CEP128: variants seen among roughly 807,000 people sequenced by gnomAD.
CEP128 encodes centrosomal protein 128kDa.
A neutral mutation model predicts 156.7 loss-of-function variants in CEP128; 132 were observed. The ratio of observed to expected loss-of-function variants is 0.84; its 90% confidence interval spans 0.73 to 0.97. The LOEUF is 0.97. Among genes scored for constraint, CEP128 ranks in the 50% least tolerant of loss-of-function variants. The pLI, the probability that CEP128 is intolerant of heterozygous loss-of-function variation, is 0.00. For synonymous variants in CEP128, 469 were observed against 448.9 expected, an observed-to-expected ratio of 1.04 and a Z score of -0.57; for missense variants, 1,252 against 1,281.9, an observed-to-expected ratio of 0.98 and a Z score of 0.36.
chr14:80,519,756 C>T (rs1659702268), intron 23 of CEP128, among the ~76,000 whole-genome samples: 3 of 152,166 alleles, frequency 2.0e-5, no homozygotes. Flanking sequence ...CTATGATTGT[C>T]TCCATCTACC....
intron 18 of CEP128, among the ~76,000 whole-genome samples, chr14:80,749,233 A>C (rs1166234459): frequency 6.6e-6 from 1 of 152,200 alleles, no homozygotes; most frequent in Non-Finnish European, 1.5e-5. Flanking sequence ...GAGGTTTCTC[A>C]AAAAACTAAA....
intron 13 of CEP128, among the ~76,000 whole-genome samples, chr14:80,812,660 C>A (rs527968551): frequency 6.6e-6 from 1 of 152,296 alleles, no homozygotes; most frequent in South Asian, 2.1e-4. Flanking sequence ...CCTCCATCTC[C>A]TGGGTTCAAG....
chr14:80,924,246 T>A (rs1200202925), intron 2 of CEP128, among the ~76,000 whole-genome samples: 1 of 152,250 alleles, frequency 6.6e-6, no homozygotes, highest in African/African-American at 2.4e-5. Flanking sequence ...CAATTGTACC[T>A]GTCTTCTTTA....
chr14:80,848,942 T>C (rs963940022), intron 9 of CEP128, among the ~76,000 whole-genome samples: 1 of 151,216 alleles, frequency 6.6e-6, no homozygotes, highest in African/African-American at 2.4e-5. Flanking sequence ...AAAGAAACCA[T>C]TGAAGGGTCT....
At chr14:80,860,165 G>A (rs1371079376) in intron 9 of CEP128, among the ~76,000 whole-genome samples, 1 of 152,084 alleles carries the variant, frequency 6.6e-6, no homozygotes, top group Non-Finnish European at 1.5e-5. Flanking sequence ...GACCTTTCCG[G>A]AACAGTTTAA....
chr14:80,759,049 A>G (rs1039947908), intron 17 of CEP128, among the ~76,000 whole-genome samples: 6 of 152,240 alleles, frequency 3.9e-5, no homozygotes, highest in African/African-American at 1.4e-4. Flanking sequence ...AGTACAGTGC[A>G]GAACTAATCT....
chr14:80,504,144 T>A (rs1200003649), intron 24 of CEP128, among the ~76,000 whole-genome samples: 3 of 152,182 alleles, frequency 2.0e-5, no homozygotes, highest in Non-Finnish European at 4.4e-5. Context: ...TTTAGATAAA[T>A]GTGGACTTAA....
intron 7 of CEP128, among the ~76,000 whole-genome samples, chr14:80,897,776 C>G (rs983352014): frequency 5.3e-5 from 7 of 132,154 alleles, no homozygotes; most frequent in African/African-American, 7.9e-5. Context: ...TCGCCCTCCT[C>G]AAATCAATTT....
At chr14:80,650,732 A>C (rs1451304761) in intron 19 of CEP128, among the ~76,000 whole-genome samples, 3 of 152,100 alleles carry the variant, frequency 2.0e-5, no homozygotes, top group Admixed American at 2.0e-4. Context: ...ATTGATTTGC[A>C]TATATTGAAT....
intron 8 of CEP128, among the ~76,000 whole-genome samples, chr14:80,869,325 G>C (rs908784445): frequency 7.2e-5 from 11 of 151,916 alleles, no homozygotes; most frequent in African/African-American, 2.7e-4. Context: ...CTAATATGTG[G>C]AAATTAAACT....
At chr14:80,797,940 G>C (rs1240356312) in intron 13 of CEP128, among the ~76,000 whole-genome samples, 4 of 151,996 alleles carry the variant, frequency 2.6e-5, no homozygotes, top group Admixed American at 6.6e-5. Flanking sequence ...TATTCCTGGA[G>C]GCATCTTCTA....
At chr14:80,506,335 C>CTT (rs398057291) in intron 23 of CEP128, among the ~76,000 whole-genome samples, 1,542 of 126,844 alleles carry the variant, frequency 0.012, 11 homozygotes, top group South Asian at 0.022. Context: ...ATTTGAAACT[C>CTT]TTTTTTTTTT....
intron 9 of CEP128, among the ~76,000 whole-genome samples, chr14:80,857,020 T>G (rs1232906849): frequency 6.6e-6 from 1 of 151,922 alleles, no homozygotes; most frequent in African/African-American, 2.4e-5. Flanking sequence ...AGTGCTGGAA[T>G]TACAGGCATG....
At chr14:80,699,542 G>T (rs1187811923) in intron 19 of CEP128, among the ~76,000 whole-genome samples, 1 of 152,100 alleles carries the variant, frequency 6.6e-6, no homozygotes, top group African/African-American at 2.4e-5. Flanking sequence ...TATTGACATT[G>T]TAACTTCATT....
At chr14:80,614,211 CTT>C (rs1893120132) in intron 19 of CEP128, among the ~76,000 whole-genome samples, 1 of 152,082 alleles carries the variant, frequency 6.6e-6, no homozygotes, top group Admixed American at 6.6e-5. Flanking sequence ...GATAAAATGA[CTT>C]AGAAGTATTA....
intron 19 of CEP128, among the ~76,000 whole-genome samples, chr14:80,631,429 T>C (rs1893954991): frequency 6.6e-6 from 1 of 152,052 alleles, no homozygotes; most frequent in Non-Finnish European, 1.5e-5. Context: ...ATGACTGGTC[T>C]AAAGAACTTA....
At chr14:80,679,536 C>G (rs185955426) in intron 19 of CEP128, among the ~76,000 whole-genome samples, 1 of 152,288 alleles carries the variant, frequency 6.6e-6, no homozygotes, top group East Asian at 1.9e-4. Flanking sequence ...AAATCCCACC[C>G]TGGAGAATTT....
chr14:80,773,647 C>T (rs140020296), intron 16 of CEP128, among the ~76,000 whole-genome samples: 35 of 152,184 alleles, frequency 2.3e-4, no homozygotes, highest in African/African-American at 6.0e-4. Flanking sequence ...ACCTTCATTA[C>T]GTAAACTTTA....
At chr14:80,580,343 C>A in intron 20 of CEP128, 31 bp downstream of exon 20, 1 of 1,468,798 alleles carries the variant, frequency 6.8e-7, no homozygotes, top group Non-Finnish European at 9.5e-7. Context: ...TGTTTTCATA[C>A]CAAGCATGCT....
Sources: allele counts gnomAD v4.1 joint callset (sites outside exome capture counted in the v4.1 genomes callset), GRCh38; gene constraint gnomAD v4.1.1; transcripts MANE v1.5; gene names NCBI Gene and HGNC (gene_info 2026-07-23, HGNC 2026-07-21).